Variants in USP14 observed in about 807,000 individuals in gnomAD.
USP14 encodes the protein ubiquitin carboxyl-terminal hydrolase 14.
In USP14, 38 loss-of-function variants were observed where a neutral mutation model predicts 76.5. That is an observed-to-expected ratio of 0.50 (90% CI 0.38 to 0.65). USP14 has a LOEUF of 0.65. Among genes scored for constraint, USP14 ranks in the 30% least tolerant of loss-of-function variants. The pLI is 0.00. For missense variants in USP14, 467 were observed against 586.5 expected, an observed-to-expected ratio of 0.80 and a Z score of 2.10; for synonymous variants, 192 against 191.7, an observed-to-expected ratio of 1.00 and a Z score of -0.01.
chr18:179,631 C>G (rs374155673), intron 4 of USP14, among the ~76,000 whole-genome samples: 2 of 147,164 alleles, frequency 1.4e-5, no homozygotes, highest in South Asian at 4.3e-4. Context: ...TCTGTCACCC[C>G]GGCTGGAGTG....
intron 3 of USP14, among the ~76,000 whole-genome samples, chr18:173,402 T>TGC (rs1909530878): frequency 5.6e-5 from 8 of 142,616 alleles, no homozygotes; most frequent in Non-Finnish European, 9.2e-5. Flanking sequence ...TGAGCCACCA[T>TGC]GCCCGGCCTA....
intron 3 of USP14, among the ~76,000 whole-genome samples, chr18:172,863 T>C (rs992585115): frequency 6.6e-6 from 1 of 152,214 alleles, no homozygotes; most frequent in East Asian, 1.9e-4. Flanking sequence ...TATTGCGATA[T>C]TTGCTTTCTC....
intron 10 of USP14, among the ~76,000 whole-genome samples, chr18:202,625 AAAG>A (rs1479534227): frequency 6.6e-6 from 1 of 152,216 alleles, no homozygotes; most frequent in Non-Finnish European, 1.5e-5. Context: ...CATAGCTAAA[AAAG>A]AGCAAACAGT....
At chr18:196,613 G>T in intron 6 of USP14, 24 bp from the exon 7 acceptor site, 1 of 1,600,462 alleles carries the variant, frequency 6.2e-7, no homozygotes. Flanking sequence ...GTTTTACTAA[G>T]GCAATGTTTG....
intron 5 of USP14, among the ~76,000 whole-genome samples, chr18:182,389 A>G (rs911923280): frequency 6.6e-6 from 1 of 152,158 alleles, no homozygotes; most frequent in South Asian, 2.1e-4. Context: ...CCCTCAGTCT[A>G]TTGTGAAATG....
chr18:204,515 A>G (rs1910472464), intron 12 of USP14, 49 bp from the exon 13 acceptor site: 2 of 1,395,926 alleles, frequency 1.4e-6, no homozygotes, highest in African/African-American at 3.0e-5. Context: ...CTTTAAATAA[A>G]TATCTTTATA....
Position 208,534 on chromosome 18 carries a change from TCAG to T in USP14, c.1165-1433_1165-1431del, listed in dbSNP as rs573619994. Among the ~76,000 whole-genome samples, 14 of 152,284 alleles carry T rather than the reference TCAG, an allele frequency of 9.2e-5. No individual in the cohort carries two copies. In the South Asian group the frequency reaches 2.9e-3, roughly 32 times the overall value. Reference sequence around the variant, plus strand: ...TTGCCTTGTGATATAAATTTCCCTTTCAGCAGTGATTTCACTATATCCTATGAA... The same window carrying T: ...TTGCCTTGTGATATAAATTTCCCTTTCAGTGATTTCACTATATCCTATGAA... On this transcript the variant is annotated intron_variant, in intron 13 of 15. Transcript: ENST00000261601.
chr18:196,168 G>A (rs916308407), intron 6 of USP14, among the ~76,000 whole-genome samples: 1 of 151,408 alleles, frequency 6.6e-6, no homozygotes. Context: ...TAAAAAAAAT[G>A]CAAAAATTAG....
At chr18:187,544 C>T (rs1307225109) in intron 5 of USP14, among the ~76,000 whole-genome samples, 1 of 152,030 alleles carries the variant, frequency 6.6e-6, no homozygotes, top group African/African-American at 2.4e-5. Flanking sequence ...ATTTAGCTTC[C>T]CCATCCAGGA....
intron 5 of USP14, among the ~76,000 whole-genome samples, chr18:185,290 C>T (rs1374350445): frequency 2.6e-5 from 4 of 152,128 alleles, no homozygotes; most frequent in Admixed American, 6.5e-5. Context: ...TCCCAAGTAG[C>T]TGGAATTACA....
chr18:172,942 G>T (rs1909505846), intron 3 of USP14, among the ~76,000 whole-genome samples: 1 of 151,984 alleles, frequency 6.6e-6, no homozygotes, highest in East Asian at 1.9e-4. Context: ...ATACTCTTTT[G>T]TTGGATAGAA....
chr18:181,520 GT>G (rs1314107944), intron 5 of USP14, among the ~76,000 whole-genome samples: 1 of 152,052 alleles, frequency 6.6e-6, no homozygotes, highest in Admixed American at 6.6e-5. Flanking sequence ...TTTTAATTGG[GT>G]TATTTGTCTG....
At chr18:210,212 A>G (rs1336729435) in intron 14 of USP14, 174 bp from the exon 15 acceptor site, 1 of 686,622 alleles carries the variant, frequency 1.5e-6, no homozygotes, top group Admixed American at 3.3e-5. Flanking sequence ...TCTATGAGTA[A>G]GTTACTTATT....
chr18:163,395 C>G lies in USP14; in HGVS notation c.104C>G (p.Ala35Gly), dbSNP rs201080569. The change falls in exon 2 of 16, where the codon GCG (alanine) becomes GGG (glycine). Residue 35 changes from alanine (A) to glycine (G), a missense_variant. Transcript: ENST00000261601. ...ATGGTATTCAAGGCTCAGCTGTTTG[C>G]GTTGACTGGAGTCCAGCCTGCCAGA... ...PPMVFKAQLF[A>G]LTGVQPARQK... is the part of the protein sequence containing the mutation. The G allele has an allele frequency of 2.8e-5, 45 of 1,613,576 alleles. No individual in the cohort carries two copies. Among genetic ancestry groups the G allele is most frequent in the Non-Finnish European group, 3.7e-5 (44 of 1,179,756 alleles).
At chr18:190,551 A>G (rs569418524) in intron 5 of USP14, among the ~76,000 whole-genome samples, 39 of 152,292 alleles carry the variant, frequency 2.6e-4, no homozygotes, top group African/African-American at 8.7e-4. Flanking sequence ...TTATTTCACT[A>G]TGGGTAAGGA....
chr18:186,287 A>G (rs1423095196), intron 5 of USP14, among the ~76,000 whole-genome samples: 1 of 151,940 alleles, frequency 6.6e-6, no homozygotes, highest in Non-Finnish European at 1.5e-5. Flanking sequence ...TGAGACCCGC[A>G]TCTCTGCAAT....
At chr18:181,675 T>C (rs1308513609) in intron 5 of USP14, among the ~76,000 whole-genome samples, 1 of 152,194 alleles carries the variant, frequency 6.6e-6, no homozygotes, top group Non-Finnish European at 1.5e-5. Flanking sequence ...GTATGCAGTC[T>C]CCTTTTACTT....
Position 181,786 on chromosome 18 carries a change from T to C in USP14, c.404+1447T>C, listed in dbSNP as rs184975352. 4.2e-3 allele frequency among the ~76,000 whole-genome samples: 638 copies of C among 152,324 alleles called. 7 individuals are homozygous for C. Among genetic ancestry groups the C allele is most frequent in the Non-Finnish European group, 5.8e-3 (393 of 68,022 alleles). On this transcript the variant is annotated intron_variant, in intron 5 of 15. Transcript: ENST00000261601. ...TATCACATATGCTTTTGGTTTCATA[T>C]GTAAAAGCCATTGTCTAATTCTAGG...
At chr18:188,418 G>A (rs559956738) in intron 5 of USP14, among the ~76,000 whole-genome samples, 51 of 151,504 alleles carry the variant, frequency 3.4e-4, no homozygotes, top group African/African-American at 7.5e-4. Flanking sequence ...AATATATAGC[G>A]CTGAATTTAA....
Sources: gnomAD v4.1 joint callset for allele counts (sites outside exome capture counted in the v4.1 genomes callset) on GRCh38, gnomAD v4.1.1 for gene constraint, MANE v1.5 for transcripts, NCBI Gene and HGNC (gene_info 2026-07-23, HGNC 2026-07-21) for gene names.